DST: variants seen among roughly 807,000 people sequenced by gnomAD.
The protein encoded by DST is dystonin, also known as bullous pemphigoid antigen.
In DST, 253 loss-of-function variants were observed where a neutral mutation model predicts 875.2. That is an observed-to-expected ratio of 0.29 (90% CI 0.26 to 0.32). The LOEUF (loss-of-function observed/expected upper bound fraction) is 0.32, where lower values mean the gene tolerates loss of function less well. Among genes scored for constraint, DST ranks in the 10% least tolerant of loss-of-function variants. The pLI is 1.00. For missense variants in DST, 8,287 were observed against 9,111.6 expected (o/e 0.91, Z 3.68); for synonymous variants, 3,124 against 3,197.1 (o/e 0.98, Z 0.77).
chr6:56,583,254 C>T (rs1326752461), intron 49 of DST, among the ~76,000 whole-genome samples: 3 of 152,154 alleles, frequency 2.0e-5, no homozygotes, highest in African/African-American at 7.2e-5. Flanking sequence ...CTCTCCAGCA[C>T]CTGTTGTTTC....
At chr6:56,824,061 C>G (rs932017113) in intron 4 of DST, among the ~76,000 whole-genome samples, 2 of 152,128 alleles carry the variant, frequency 1.3e-5, no homozygotes, top group African/African-American at 2.4e-5. Flanking sequence ...GATGCCGAGT[C>G]GAAGCTGGAC....
chr6:56,719,191 A>G (rs996311210), intron 5 of DST, among the ~76,000 whole-genome samples: 3 of 152,344 alleles, frequency 2.0e-5, no homozygotes, highest in South Asian at 4.1e-4. Context: ...CCAGAATGTA[A>G]GACAGAATGT....
chr6:56,716,494 T>C (rs2099394998), intron 5 of DST, among the ~76,000 whole-genome samples: 1 of 152,206 alleles, frequency 6.6e-6, no homozygotes, highest in South Asian at 2.1e-4. Flanking sequence ...TTATGTATGA[T>C]ACCAAAAGCA....
At chr6:56,929,435 C>T (rs747557235) in intron 2 of DST, among the ~76,000 whole-genome samples, 104 of 152,106 alleles carry the variant, frequency 6.8e-4, no homozygotes, top group Non-Finnish European at 1.3e-3. Flanking sequence ...GTGAATAAAA[C>T]AAGATGCAAA....
chr6:56,602,805 A>T lies in DST; in HGVS notation c.11307+77T>A, dbSNP rs148867594. On this transcript the variant is annotated intron_variant, in intron 43 of 103. Transcript: ENST00000680361. ...AATCCTTTGTAGCCTTAGCAAAGTCATATTTTCTAAACACTTGTTATATAT... is the reference window on the plus strand; with the variant it reads ...AATCCTTTGTAGCCTTAGCAAAGTCTTATTTTCTAAACACTTGTTATATAT... 3 of 1,135,480 alleles carry T rather than the reference A, an allele frequency of 2.6e-6. No homozygotes were observed. In the African/African-American group the frequency reaches 4.8e-5, roughly 18 times the overall value. The allele number at this position is 1,135,480 out of a possible 1,614,324, so 70.3% of individuals were successfully genotyped here. A position where few individuals can be genotyped will look rare whatever the true frequency, so the allele number is the denominator to read the frequency against.
intron 32 of DST, 54 bp from the exon 33 acceptor site, chr6:56,628,215 GTGGAAGA>G (rs1367363345): frequency 6.7e-7 from 1 of 1,498,898 alleles, no homozygotes; most frequent in African/African-American, 1.4e-5. Context: ...CATCAGGAGG[GTGGAAGA>G]TGTAGAGATG....
At position 56,572,965 on chromosome 6, in the gene DST, A is replaced by T. The variant is rs1380818595; in HGVS notation, c.13336T>A (p.Ser4446Thr). ...METTDPSTAS[S>T]LQAKMKDLSA... ...AAGTCTTTCATTTTGGCTTGCAGTG[A>T]GGATGCAGTGGATGGATCTGTTGTT... Residue 4446 changes from serine (S) to threonine (T), a missense_variant, in exon 52 of 104, where the codon TCA (serine) becomes ACA (threonine). Ser to Thr is a moderately conservative substitution (Grantham distance 58). Around this residue, in one of 10 missense-constraint regions of DST, gnomAD observed 1,513 missense variants for 1,677.8 expected, o/e 0.90. Coordinates refer to ENST00000680361, the MANE Select transcript of DST (RefSeq NM_001374736.1). 6.2e-7 allele frequency: 1 copy of T among 1,612,260 alleles called. No individual in the cohort carries two copies. The highest frequency in any genetic ancestry group is 8.5e-7 in the Non-Finnish European group (1 of 1,179,238).
At chr6:56,497,222 A>T (rs1027786763) in intron 82 of DST, among the ~76,000 whole-genome samples, 157 bp downstream of exon 82, 5 of 152,162 alleles carry the variant, frequency 3.3e-5, no homozygotes, top group Non-Finnish European at 5.9e-5. Flanking sequence ...TAAAATTTTA[A>T]TCAATAAATG....
In DST at chr6:56,634,917, T is replaced by C. The variant is rs2098811644; in HGVS notation, c.3223A>G (p.Ile1075Val). Residue 1075 changes from isoleucine to valine, a missense_variant, in exon 25 of 104, where the codon ATA becomes GTA. Ile to Val is a conservative substitution (Grantham distance 29, BLOSUM62 3). Around this residue, in one of 10 missense-constraint regions of DST, gnomAD observed 1,160 missense variants for 1,424.3 expected, o/e 0.81. Coordinates refer to ENST00000680361, the MANE Select transcript of DST (RefSeq NM_001374736.1). ...TTTGCTTTTCCCATTAGGTTTGCTA[T>C]AGTGCTTTTGTACTGCAGAAGTTCT... is the stretch of plus-strand genomic sequence containing the variant. ...KEELLQYKSTIANLMGKAKTI... is the reference protein window; with the variant it reads ...KEELLQYKSTVANLMGKAKTI... 1 of 1,613,444 alleles carries C rather than the reference T, an allele frequency of 6.2e-7. No individual in the cohort carries two copies. The highest frequency in any genetic ancestry group is 1.1e-5 in the South Asian group (1 of 91,076).
chr6:56,844,990 G>A (rs1054683593), intron 4 of DST, among the ~76,000 whole-genome samples: 3 of 152,160 alleles, frequency 2.0e-5, no homozygotes, highest in African/African-American at 2.4e-5. Context: ...AACAGCGATA[G>A]TAGTGCCTAA....
At chr6:56,581,090 A>G (rs1003214435) in intron 49 of DST, among the ~76,000 whole-genome samples, 7 of 150,368 alleles carry the variant, frequency 4.7e-5, no homozygotes, top group Non-Finnish European at 1.0e-4. Flanking sequence ...AGAGCAAGCT[A>G]AGAGTAAAGG....
At chr6:56,670,834 T>C (rs544661361) in intron 9 of DST, 27 bp from the exon 10 acceptor site, 3 of 1,503,502 alleles carry the variant, frequency 2.0e-6, no homozygotes, top group East Asian at 4.7e-5. Flanking sequence ...GTGTTAAACC[T>C]TTAGGAAGGA....
intron 5 of DST, among the ~76,000 whole-genome samples, chr6:56,715,983 C>A (rs148377353): frequency 1.3e-4 from 20 of 152,270 alleles, no homozygotes; most frequent in African/African-American, 4.3e-4. Flanking sequence ...TCCAAGTCTA[C>A]GCATTCGTAA....
intron 24 of DST, among the ~76,000 whole-genome samples, 197 bp downstream of exon 24, chr6:56,635,392 A>G (rs2098815331): frequency 6.6e-6 from 1 of 152,126 alleles, no homozygotes; most frequent in South Asian, 2.1e-4. Context: ...CCATCTTAAA[A>G]TATCAAAGCT....
In DST at chr6:56,606,288, G is replaced by A. The variant is rs45617936; in HGVS notation, c.8340C>T (p.Ser2780=). ...EEYVTGQEFH[S]DTDHLDSMQS... ...GCATAGAATCTAAATGATCAGTATC[G>A]GAGTGAAATTCCTGTCCAGTTACAT... is the stretch of plus-strand genomic sequence containing the variant. Residue 2780 remains serine (S), a synonymous_variant, in exon 40 of 104, where the codon TCC becomes TCT. Coordinates refer to ENST00000680361, the MANE Select transcript of DST (RefSeq NM_001374736.1). The A allele has an allele frequency of 7.3e-3, 11,623 of 1,593,590 alleles. 57 individuals are homozygous for A. The highest frequency in any genetic ancestry group is 8.8e-3 in the Non-Finnish European group (10,277 of 1,168,984).
intron 4 of DST, among the ~76,000 whole-genome samples, chr6:56,824,290 C>T (rs1308064212): frequency 3.3e-5 from 5 of 152,238 alleles, no homozygotes; most frequent in East Asian, 1.9e-4. Flanking sequence ...GGATTGCAGA[C>T]GGAGTCTCGT....
At chr6:56,905,789 C>T (rs1476158386) in intron 2 of DST, among the ~76,000 whole-genome samples, 1 of 152,102 alleles carries the variant, frequency 6.6e-6, no homozygotes. Context: ...GATGGGATTA[C>T]AGGCACAGGC....
At chr6:56,666,917 A>G (rs922772683) in intron 10 of DST, among the ~76,000 whole-genome samples, 7 of 151,982 alleles carry the variant, frequency 4.6e-5, no homozygotes, top group Non-Finnish European at 8.8e-5. Flanking sequence ...TTTTTAGTCT[A>G]AAGCTGTACT....
chr6:56,775,280 A>C (rs2099676652), intron 4 of DST, among the ~76,000 whole-genome samples: 1 of 152,116 alleles, frequency 6.6e-6, no homozygotes, highest in African/African-American at 2.4e-5. Context: ...CGTTAAACCC[A>C]AGCACACCTG....
Sources: gnomAD v4.1 joint callset for allele counts (sites outside exome capture counted in the v4.1 genomes callset) on GRCh38, gnomAD v4.1.1 for gene constraint, gnomAD v4.1.1 regional missense constraint, MANE v1.5 for transcripts, NCBI Gene and HGNC (gene_info 2026-07-23, HGNC 2026-07-21) for gene names.